The following ARHGAP24 variants were observed in gnomAD, a reference collection of about 807,000 sequenced individuals.
ARHGAP24 encodes rho GTPase-activating protein 24.
A neutral mutation model predicts 76.4 loss-of-function variants in ARHGAP24; 50 were observed. That is an observed-to-expected ratio of 0.65 (90% confidence interval 0.52 to 0.83). The LOEUF (loss-of-function observed/expected upper bound fraction) is 0.83, where lower values mean the gene tolerates loss of function less well. ARHGAP24 is among the 40% of genes least tolerant of loss of function. ARHGAP24 has a pLI of 0.00. For synonymous variants in ARHGAP24, 345 were observed against 323.3 expected (o/e 1.07, Z -0.72); for missense variants, 930 against 914.2 (o/e 1.02, Z -0.22).
rs191125939 is a variant in ARHGAP24, at chr4:85,848,768, A to G, written c.269-74880A>G. On this transcript the variant is annotated intron_variant, in intron 3 of 9. Transcript: ENST00000395184. ...GATCAGATGGTTGTAGATGTGTGGTATTATTTCTGAGGCCTCTGTTCTGTT... is the reference window on the plus strand; with the variant it reads ...GATCAGATGGTTGTAGATGTGTGGTGTTATTTCTGAGGCCTCTGTTCTGTT... Among the ~76,000 whole-genome samples the G allele has an allele frequency of 9.2e-3, 1,393 of 152,076 alleles. 27 individuals are homozygous for G. Among genetic ancestry groups the G allele is most frequent in the African/African-American group, 0.032 (1,342 of 41,506 alleles).
chr4:85,652,895 TTTTG>T (rs1375175619), intron 2 of ARHGAP24, among the ~76,000 whole-genome samples: 3 of 152,190 alleles, frequency 2.0e-5, no homozygotes, highest in African/African-American at 7.2e-5. Context: ...TTTCTGAGTT[TTTTG>T]TTTGTTTGTT....
chr4:85,563,534 A>G (rs1472742899), intron 1 of ARHGAP24, among the ~76,000 whole-genome samples: 2 of 152,172 alleles, frequency 1.3e-5, no homozygotes, highest in Admixed American at 1.3e-4. Flanking sequence ...CATCCTCATG[A>G]CCTCATCAAA....
At chr4:85,854,989 T>G (rs1461456295) in intron 3 of ARHGAP24, among the ~76,000 whole-genome samples, 1 of 152,228 alleles carries the variant, frequency 6.6e-6, no homozygotes, top group Non-Finnish European at 1.5e-5. Context: ...GCTTTTGTTC[T>G]TATAGAAGTA....
intron 3 of ARHGAP24, among the ~76,000 whole-genome samples, chr4:85,751,000 C>T (rs1371974115): frequency 6.6e-6 from 1 of 152,132 alleles, no homozygotes; most frequent in African/African-American, 2.4e-5. Context: ...TTAAATGCCA[C>T]AAAAGAATAC....
At position 86,000,871 on chromosome 4, in the gene ARHGAP24, T is replaced by C; in HGVS notation, c.*149T>C. Reference sequence around the variant, plus strand: ...CATTTACAGACATTAAACATCCATATCTGCAATGTGTACCAAAGTTATATC... The same window carrying C: ...CATTTACAGACATTAAACATCCATACCTGCAATGTGTACCAAAGTTATATC... On this transcript the variant is annotated 3_prime_UTR_variant, in exon 10 of 10. Coordinates refer to ENST00000395184, the MANE Select transcript of ARHGAP24 (RefSeq NM_001025616.3). 25 of 1,187,792 alleles carry C rather than the reference T, an allele frequency of 2.1e-5. No individual in the cohort carries two copies. Among genetic ancestry groups the C allele is most frequent in the Non-Finnish European group, 2.9e-5 (24 of 840,560 alleles). The allele number at this position is 1,187,792 out of a possible 1,614,324, so 73.6% of individuals were successfully genotyped here.
intron 1 of ARHGAP24, among the ~76,000 whole-genome samples, chr4:85,532,571 C>T (rs1725311826): frequency 6.6e-6 from 1 of 151,962 alleles, no homozygotes; most frequent in South Asian, 2.1e-4. Flanking sequence ...ATTTAATCTC[C>T]CCATTTAAGA....
intron 3 of ARHGAP24, among the ~76,000 whole-genome samples, chr4:85,753,309 G>T (rs1726335578): frequency 6.6e-6 from 1 of 151,804 alleles, no homozygotes; most frequent in Non-Finnish European, 1.5e-5. Flanking sequence ...TAGTAGACTT[G>T]GTACCATTAG....
intron 3 of ARHGAP24, among the ~76,000 whole-genome samples, chr4:85,816,329 G>T (rs1474973878): frequency 6.6e-6 from 1 of 152,000 alleles, no homozygotes; most frequent in Admixed American, 6.5e-5. Context: ...CCCAGCTCCT[G>T]GCAACCACCA....
Position 85,974,900 on chromosome 4 carries a change from T to C in ARHGAP24, c.745T>C (p.Leu249=). The C allele has an allele frequency of 6.2e-7, 1 of 1,613,816 alleles. No individual in the cohort carries two copies. The highest frequency in any genetic ancestry group is 8.5e-7 in the Non-Finnish European group (1 of 1,179,848). ...SKEEEAGVKE[L]AKQVKSLPVV... is the part of the protein sequence containing the mutation. ...TCTTTGTACTCAGGGTGTTAAGGAA[T>C]TAGCAAAGCAGGTGAAGAGTTTGCC... The change falls in exon 7 of 10, where the codon TTA becomes CTA. Residue 249 remains leucine (L), a synonymous_variant. Coordinates refer to ENST00000395184, the MANE Select transcript of ARHGAP24 (RefSeq NM_001025616.3).
intron 3 of ARHGAP24, among the ~76,000 whole-genome samples, chr4:85,763,655 A>G (rs188130844): frequency 6.6e-6 from 1 of 152,266 alleles, no homozygotes; most frequent in African/African-American, 2.4e-5. Context: ...TATTTTGAAG[A>G]GTGAAAATGT....
rs551424068 is a variant in ARHGAP24, at chr4:85,487,289, G to A, written c.-21+11730G>A. 1.7e-3 allele frequency among the ~76,000 whole-genome samples: 187 copies of A among 109,498 alleles called. 1 individual carries two copies. The highest frequency in any genetic ancestry group is 6.1e-3 in the African/African-American group (168 of 27,478). The allele number at this position is 109,498 out of a possible 152,430, so 71.8% of individuals were successfully genotyped here. ...TAAATATATATTTATTTTATATATAGTAAATATATATATTTATTATATATA... is the reference window on the plus strand; with the variant it reads ...TAAATATATATTTATTTTATATATAATAAATATATATATTTATTATATATA... On this transcript the variant is annotated intron_variant, in intron 1 of 9. Transcript: ENST00000395184.
At chr4:85,872,621 A>G in intron 3 of ARHGAP24, among the ~76,000 whole-genome samples, 1 of 85,514 alleles carries the variant, frequency 1.2e-5, no homozygotes, top group Admixed American at 1.8e-4. Context: ...TTTTTTTGAC[A>G]GGGTCTCACT....
At chr4:85,562,636 C>T (rs568394440) in intron 1 of ARHGAP24, among the ~76,000 whole-genome samples, 2 of 152,284 alleles carry the variant, frequency 1.3e-5, no homozygotes, top group African/African-American at 2.4e-5. Context: ...CCCATTTATA[C>T]TTATACTCCC....
intron 3 of ARHGAP24, among the ~76,000 whole-genome samples, chr4:85,909,405 T>C (rs1308754172): frequency 1.3e-5 from 2 of 152,222 alleles, no homozygotes; most frequent in Non-Finnish European, 1.5e-5. Context: ...CTTTGGTGGC[T>C]TTCTTACATT....
chr4:85,734,020 T>G (rs1389268759), intron 3 of ARHGAP24, among the ~76,000 whole-genome samples: 1 of 152,180 alleles, frequency 6.6e-6, no homozygotes, highest in Non-Finnish European at 1.5e-5. Flanking sequence ...ACTGACTGTT[T>G]GAGCTCCACC....
intron 2 of ARHGAP24, among the ~76,000 whole-genome samples, chr4:85,705,615 G>A (rs993672152): frequency 6.6e-6 from 1 of 152,120 alleles, no homozygotes; most frequent in South Asian, 2.1e-4. Context: ...TGCAGGCATC[G>A]TGTTCAGCTA....
intron 2 of ARHGAP24, among the ~76,000 whole-genome samples, chr4:85,671,439 C>CT (rs1722813488): frequency 6.6e-6 from 1 of 152,080 alleles, no homozygotes; most frequent in African/African-American, 2.4e-5. Flanking sequence ...ATTCCAGTGG[C>CT]TTGGCTCAAA....
At chr4:85,490,655 G>A (rs548109504) in intron 1 of ARHGAP24, among the ~76,000 whole-genome samples, 104 of 152,278 alleles carry the variant, frequency 6.8e-4, no homozygotes, top group African/African-American at 2.3e-3. Flanking sequence ...ATTTGTTTGG[G>A]AGCTTTGAGG....
intron 1 of ARHGAP24, among the ~76,000 whole-genome samples, chr4:85,554,423 A>T (rs560269951): frequency 6.6e-6 from 1 of 152,266 alleles, no homozygotes; most frequent in South Asian, 2.1e-4. Flanking sequence ...TTATCTCCTC[A>T]TATCTTTCAA....
Sources: allele counts gnomAD v4.1 joint callset (sites outside exome capture counted in the v4.1 genomes callset), GRCh38; gene constraint gnomAD v4.1.1; transcripts MANE v1.5; gene names NCBI Gene and HGNC (gene_info 2026-07-23, HGNC 2026-07-21).